The following SHROOM4 variants were observed in gnomAD, a reference collection of about 807,000 sequenced individuals.
SHROOM4 encodes the protein shroom family member 4.
In SHROOM4, 17 loss-of-function variants were observed where a neutral mutation model predicts 80.3. The observed-to-expected ratio is 0.21, with a 90% CI of 0.14 to 0.32. The LOEUF (loss-of-function observed/expected upper bound fraction) is 0.32. SHROOM4 is among the 10% of genes least tolerant of loss of function. The pLI, the probability that SHROOM4 is intolerant of heterozygous loss-of-function variation, is 1.00. For synonymous variants in SHROOM4, 400 were observed against 437.5 expected, an observed-to-expected ratio of 0.91 and a Z score of 1.07; for missense variants, 993 against 1,140.3, an observed-to-expected ratio of 0.87 and a Z score of 1.86.
At chrX:50,650,728 G>A (rs1557258596) in intron 2 of SHROOM4, among the ~76,000 whole-genome samples, 2 of 112,045 alleles carry the variant, frequency 1.8e-5, no homozygotes, top group African/African-American at 6.5e-5. Flanking sequence ...GCAACTGTCT[G>A]ATATAACTGT....
intron 1 of SHROOM4, among the ~76,000 whole-genome samples, chrX:50,725,067 C>T (rs781971322): frequency 8.1e-5 from 9 of 111,683 alleles, no homozygotes; most frequent in Non-Finnish European, 1.5e-4. Context: ...TGATACATGA[C>T]CTGTTCCTAA....
intron 5 of SHROOM4, among the ~76,000 whole-genome samples, chrX:50,627,013 G>A (rs1312967325): frequency 9.0e-6 from 1 of 111,477 alleles, no homozygotes; most frequent in Non-Finnish European, 1.9e-5. Context: ...AAGCTAGACC[G>A]CCTGGGTCTA....
At chrX:50,789,515 A>C (rs1293050138) in intron 1 of SHROOM4, among the ~76,000 whole-genome samples, 1 of 111,802 alleles carries the variant, frequency 8.9e-6, no homozygotes, top group Admixed American at 9.5e-5. Flanking sequence ...CCAAGAGGAA[A>C]ATTATAGTGA....
chrX:50,686,876 G>A (rs1933086299), intron 2 of SHROOM4, among the ~76,000 whole-genome samples: 1 of 111,736 alleles, frequency 8.9e-6, no homozygotes, highest in East Asian at 2.8e-4. Context: ...CTAGATGGAA[G>A]TAGCATTTAA....
chrX:50,722,304 G>C (rs782592516), intron 1 of SHROOM4, among the ~76,000 whole-genome samples: 22 of 108,914 alleles, frequency 2.0e-4, no homozygotes, highest in Non-Finnish European at 3.8e-4. Context: ...GAATGTAGCT[G>C]CTGGGGGTGG....
chrX:50,606,590 T>A (rs1221849009), intron 6 of SHROOM4, among the ~76,000 whole-genome samples: 2 of 100,536 alleles, frequency 2.0e-5, no homozygotes, highest in East Asian at 3.1e-4. Flanking sequence ...CAAAAGAAAT[T>A]AAAAAAAAAA....
At chrX:50,689,197 G>A (rs184815848) in intron 2 of SHROOM4, among the ~76,000 whole-genome samples, 286 of 111,322 alleles carry the variant, frequency 2.6e-3, no homozygotes, top group African/African-American at 8.6e-3. Flanking sequence ...CCATAAATAC[G>A]TACTATGTAT....
intron 2 of SHROOM4, among the ~76,000 whole-genome samples, chrX:50,693,767 A>G (rs920940691): frequency 1.5e-4 from 17 of 110,270 alleles, no homozygotes; most frequent in Non-Finnish European, 3.0e-4. Flanking sequence ...CTATTTTGAA[A>G]TATACAATAG....
intron 1 of SHROOM4, among the ~76,000 whole-genome samples, chrX:50,741,481 T>C (rs1298054032): frequency 9.0e-6 from 1 of 111,193 alleles, no homozygotes; most frequent in Non-Finnish European, 1.9e-5. Flanking sequence ...GTGATATATA[T>C]GTTAATTTGT....
At chrX:50,710,818 T>C (rs1314326835) in intron 1 of SHROOM4, among the ~76,000 whole-genome samples, 1 of 111,620 alleles carries the variant, frequency 9.0e-6, no homozygotes, top group Non-Finnish European at 1.9e-5. Flanking sequence ...TTTGATAAGA[T>C]TCTTTCAAAT....
chrX:50,677,848 G>A (rs1557261459), intron 2 of SHROOM4, among the ~76,000 whole-genome samples: 1 of 111,509 alleles, frequency 9.0e-6, no homozygotes, highest in Non-Finnish European at 1.9e-5. Context: ...CAAGTTTTAG[G>A]TAAGTCTGAG....
intron 1 of SHROOM4, among the ~76,000 whole-genome samples, chrX:50,797,949 T>C (rs782098491): frequency 1.8e-5 from 2 of 111,463 alleles, no homozygotes; most frequent in East Asian, 2.8e-4. Context: ...TACCCATTTA[T>C]ATAGTTTTAA....
chrX:50,806,245 T>C (rs1215671267), intron 1 of SHROOM4, among the ~76,000 whole-genome samples: 1 of 111,934 alleles, frequency 8.9e-6, no homozygotes, highest in East Asian at 2.8e-4. Flanking sequence ...TGTGTTGCGA[T>C]ATGGTACAGT....
chrX:50,676,381 C>T (rs1932854432), intron 2 of SHROOM4, among the ~76,000 whole-genome samples: 1 of 110,371 alleles, frequency 9.1e-6, no homozygotes, highest in African/African-American at 3.3e-5. Flanking sequence ...ATCAAATACA[C>T]AGCTTATTTA....
intron 3 of SHROOM4, among the ~76,000 whole-genome samples, chrX:50,636,651 ACTTCCTTTCTCCCTGCTTTTGTATTCT>A (rs1931372059): frequency 9.0e-6 from 1 of 111,386 alleles, no homozygotes; most frequent in Admixed American, 9.5e-5. Flanking sequence ...CCCTTGTCCC[ACTTCCTTTCTCCCTGCTTTTGTATTCT>A]CCAGTGTCTA....
chrX:50,683,029 A>G (rs1932975443), intron 2 of SHROOM4, among the ~76,000 whole-genome samples: 1 of 111,317 alleles, frequency 9.0e-6, no homozygotes, highest in Non-Finnish European at 1.9e-5. Context: ...GCCATGCTGG[A>G]TGCTTCCTGC....
chrX:50,683,737 G>T (rs1447908254), intron 2 of SHROOM4, among the ~76,000 whole-genome samples: 2 of 111,139 alleles, frequency 1.8e-5, no homozygotes, highest in African/African-American at 6.6e-5. Flanking sequence ...AGATACGTGT[G>T]GGGTATAAAA....
At chrX:50,651,737 CTTA>C (rs1932076892) in intron 2 of SHROOM4, among the ~76,000 whole-genome samples, 2 of 109,769 alleles carry the variant, frequency 1.8e-5, no homozygotes, top group South Asian at 8.2e-4. Context: ...CCCCTAGCCC[CTTA>C]ACCCCCGACA....
At position 50,607,386 on chromosome X, in the gene SHROOM4, G is replaced by A. The variant is rs782750504; in HGVS notation, c.3756C>T (p.Ser1252=). ...TATCTTTCATATGTACTTACTTGGCGGATTCAGTGGCTTCCTGTCCCGATG... is the reference window on the plus strand; with the variant it reads ...TATCTTTCATATGTACTTACTTGGCAGATTCAGTGGCTTCCTGTCCCGATG... The part of the protein sequence containing the change: ...WRTSGQEATE[S]AKQEFQHFSP... The change falls in exon 6 of 9, where the codon TCC becomes TCT. Residue 1252 remains serine, a synonymous_variant. Transcript: ENST00000376020. 2.6e-5 allele frequency: 32 copies of A among 1,208,785 alleles called. No individual in the cohort carries two copies. Among genetic ancestry groups the A allele is most frequent in the South Asian group, 1.9e-4 (11 of 56,650 alleles).
Sources: allele counts gnomAD v4.1 joint callset (sites outside exome capture counted in the v4.1 genomes callset), GRCh38; gene constraint gnomAD v4.1.1; transcripts MANE v1.5; gene names NCBI Gene and HGNC (gene_info 2026-07-23, HGNC 2026-07-21).